KCNQ5: variants seen among roughly 807,000 people sequenced by gnomAD.
KCNQ5 encodes potassium voltage-gated channel subfamily KQT member 5.
KCNQ5 carries 30 observed loss-of-function variants against 98.2 expected under a neutral mutation model. The ratio of observed to expected loss-of-function variants is 0.31; its 90% CI spans 0.23 to 0.41. The LOEUF is 0.41. Ranked by LOEUF, KCNQ5 falls within the 10% of genes least tolerant of loss-of-function variation. The pLI is 1.00. For synonymous variants in KCNQ5, 458 were observed against 449.4 expected, an observed-to-expected ratio of 1.02 and a Z score of -0.24; for missense variants, 835 against 1,182.5, an observed-to-expected ratio of 0.71 and a Z score of 4.31.
intron 1 of KCNQ5, among the ~76,000 whole-genome samples, chr6:72,806,041 T>A (rs569151911): frequency 6.6e-6 from 1 of 152,262 alleles, no homozygotes; most frequent in South Asian, 2.1e-4. Context: ...AGGCAACTGG[T>A]GACAGAGACC....
chr6:72,947,785 A>G (rs2150249227), intron 1 of KCNQ5, among the ~76,000 whole-genome samples: 1 of 152,276 alleles, frequency 6.6e-6, no homozygotes, highest in South Asian at 2.1e-4. Flanking sequence ...TATGAGACTT[A>G]TGATTGCAGC....
At chr6:72,782,043 C>G (rs1773504062) in intron 1 of KCNQ5, among the ~76,000 whole-genome samples, 1 of 149,214 alleles carries the variant, frequency 6.7e-6, no homozygotes, top group Non-Finnish European at 1.5e-5. Flanking sequence ...TTGACTTTAA[C>G]CCTACATCAT....
At chr6:72,910,538 C>T (rs531276603) in intron 1 of KCNQ5, among the ~76,000 whole-genome samples, 57 of 149,866 alleles carry the variant, frequency 3.8e-4, no homozygotes, top group African/African-American at 1.3e-3. Context: ...ATTATAGTAA[C>T]TCTTATAGAA....
chr6:72,957,700 G>T (rs905220365), intron 1 of KCNQ5, among the ~76,000 whole-genome samples: 2 of 151,996 alleles, frequency 1.3e-5, no homozygotes, highest in Non-Finnish European at 2.9e-5. Flanking sequence ...AAATGCCTCC[G>T]TTCCATAGCA....
intron 1 of KCNQ5, among the ~76,000 whole-genome samples, chr6:72,971,216 A>C (rs1767880229): frequency 6.6e-6 from 1 of 152,254 alleles, no homozygotes; most frequent in African/African-American, 2.4e-5. Flanking sequence ...AAAAGAAGAC[A>C]TTTATGCAGC....
chr6:73,186,889 C>T (rs1341266025), intron 11 of KCNQ5, among the ~76,000 whole-genome samples: 1 of 151,720 alleles, frequency 6.6e-6, no homozygotes, highest in African/African-American at 2.4e-5. Context: ...TGTGCTGCAC[C>T]CATTAACTCG....
chr6:72,692,057 A>C (rs1448869893), intron 1 of KCNQ5, among the ~76,000 whole-genome samples: 1 of 152,210 alleles, frequency 6.6e-6, no homozygotes, highest in African/African-American at 2.4e-5. Context: ...TCTTCGACCA[A>C]ATTGCACTTA....
At chr6:72,731,073 A>G (rs1770529836) in intron 1 of KCNQ5, among the ~76,000 whole-genome samples, 1 of 152,232 alleles carries the variant, frequency 6.6e-6, no homozygotes, top group Admixed American at 6.5e-5. Flanking sequence ...TGTGATACTA[A>G]AAAGGAAGGA....
intron 1 of KCNQ5, among the ~76,000 whole-genome samples, chr6:72,810,956 T>TTC (rs1775212373): frequency 6.6e-6 from 1 of 152,234 alleles, no homozygotes; most frequent in African/African-American, 2.4e-5. Context: ...CTGTGTCTGG[T>TTC]TCTCCTTGGT....
intron 1 of KCNQ5, among the ~76,000 whole-genome samples, chr6:72,623,012 G>A (rs1356559786): frequency 6.6e-6 from 1 of 152,140 alleles, no homozygotes; most frequent in African/African-American, 2.4e-5. Flanking sequence ...AGGTGATGGC[G>A]GGGTAGGACG....
At chr6:72,744,264 T>G (rs1771266064) in intron 1 of KCNQ5, among the ~76,000 whole-genome samples, 3 of 152,108 alleles carry the variant, frequency 2.0e-5, no homozygotes, top group Non-Finnish European at 4.4e-5. Flanking sequence ...GTATTTAAAT[T>G]TAAAACTGCA....
chr6:73,184,542 A>G (rs2069085), intron 11 of KCNQ5, among the ~76,000 whole-genome samples: 6,388 of 152,326 alleles, frequency 0.042, 282 homozygotes, highest in East Asian at 0.12. Flanking sequence ...TTCTTCAGCT[A>G]GCATTTAATG....
intron 1 of KCNQ5, among the ~76,000 whole-genome samples, chr6:72,750,203 A>G (rs1442757398): frequency 6.6e-6 from 1 of 152,122 alleles, no homozygotes; most frequent in Non-Finnish European, 1.5e-5. Context: ...TGCATTTCCT[A>G]AAAGAGTACT....
intron 10 of KCNQ5, among the ~76,000 whole-genome samples, chr6:73,166,184 G>A (rs1198707563): frequency 2.0e-5 from 3 of 152,058 alleles, no homozygotes; most frequent in Admixed American, 6.6e-5. Context: ...TGTAATCCCA[G>A]CACTTTGGGA....
chr6:72,726,706 C>T (rs999036186), intron 1 of KCNQ5, among the ~76,000 whole-genome samples: 12 of 151,868 alleles, frequency 7.9e-5, no homozygotes, highest in Non-Finnish European at 1.6e-4. Flanking sequence ...TTGTTGAATA[C>T]AGAAAAAATT....
intron 1 of KCNQ5, among the ~76,000 whole-genome samples, chr6:72,884,792 A>G (rs964006931): frequency 3.3e-5 from 5 of 151,828 alleles, no homozygotes; most frequent in African/African-American, 4.8e-5. Flanking sequence ...AATTTTTTGT[A>G]TTTTAGGTAG....
chr6:72,979,012 C>CGGTT (rs1000595532), intron 1 of KCNQ5, among the ~76,000 whole-genome samples: 4 of 152,122 alleles, frequency 2.6e-5, no homozygotes, highest in Non-Finnish European at 4.4e-5. Context: ...TGAACTCAAC[C>CGGTT]TTTTTTATGG....
At chr6:73,052,796 C>T (rs1241973947) in intron 3 of KCNQ5, among the ~76,000 whole-genome samples, 1 of 152,162 alleles carries the variant, frequency 6.6e-6, no homozygotes, top group Non-Finnish European at 1.5e-5. Context: ...TGCTTAAGTA[C>T]ACACACCATT....
chr6:73,040,692 A>G (rs1013525799), intron 2 of KCNQ5, among the ~76,000 whole-genome samples: 12 of 152,234 alleles, frequency 7.9e-5, no homozygotes, highest in Admixed American at 6.5e-4. Flanking sequence ...TCCCATCATG[A>G]GAAATATTTG....
Sources: allele counts gnomAD v4.1 joint callset (sites outside exome capture counted in the v4.1 genomes callset), GRCh38; gene constraint gnomAD v4.1.1; transcripts MANE v1.5; gene names NCBI Gene and HGNC (gene_info 2026-07-23, HGNC 2026-07-21).